Variants in CNTNAP2 observed in about 807,000 individuals in gnomAD.
CNTNAP2 encodes the protein contactin-associated protein-like 2.
Under a neutral mutation model 155.2 loss-of-function variants are expected in CNTNAP2, and 98 were observed. The ratio of observed to expected loss-of-function variants is 0.63; its 90% CI spans 0.54 to 0.75. The LOEUF is 0.75. Ranked by LOEUF, CNTNAP2 falls within the 30% of genes least tolerant of loss-of-function variation. The pLI, the probability that CNTNAP2 is intolerant of heterozygous loss-of-function variation, is 0.00. For synonymous variants in CNTNAP2, 651 were observed against 631.2 expected, an observed-to-expected ratio of 1.03 and a Z score of -0.47; for missense variants, 1,727 against 1,688.1, an observed-to-expected ratio of 1.02 and a Z score of -0.40.
intron 1 of CNTNAP2, among the ~76,000 whole-genome samples, chr7:146,625,487 A>G (rs1211146058): frequency 4.6e-5 from 7 of 152,036 alleles, no homozygotes; most frequent in Admixed American, 1.3e-4. Flanking sequence ...ACACAGGCTT[A>G]TTATTTGAAT....
intron 1 of CNTNAP2, among the ~76,000 whole-genome samples, chr7:146,757,426 A>G (rs1371665741): frequency 2.0e-5 from 3 of 152,192 alleles, no homozygotes; most frequent in Admixed American, 6.5e-5. Flanking sequence ...ATTTCTTTAC[A>G]TAAGCAAGTG....
At chr7:147,734,263 A>G (rs1225501951) in intron 13 of CNTNAP2, among the ~76,000 whole-genome samples, 2 of 152,166 alleles carry the variant, frequency 1.3e-5, no homozygotes, top group Non-Finnish European at 2.9e-5. Context: ...TTCTGCATCT[A>G]TTGAGATAAT....
chr7:147,342,465 T>C (rs1795781723), intron 9 of CNTNAP2, among the ~76,000 whole-genome samples: 1 of 152,210 alleles, frequency 6.6e-6, no homozygotes, highest in Non-Finnish European at 1.5e-5. Flanking sequence ...CAATTTCACA[T>C]ACATTATCTG....
chr7:147,508,398 A>G (rs1428914113), intron 11 of CNTNAP2, among the ~76,000 whole-genome samples: 2 of 152,130 alleles, frequency 1.3e-5, no homozygotes, highest in East Asian at 3.9e-4. Context: ...AGCATCTTCC[A>G]TCTCTGGAAT....
intron 1 of CNTNAP2, among the ~76,000 whole-genome samples, chr7:146,644,469 G>A (rs1171176918): frequency 2.2e-4 from 33 of 152,192 alleles, no homozygotes; most frequent in East Asian, 7.7e-4. Context: ...ATTGATTTGC[G>A]TATGTTGAAC....
intron 15 of CNTNAP2, among the ~76,000 whole-genome samples, chr7:148,079,234 G>T (rs1012577063): frequency 1.3e-5 from 2 of 152,178 alleles, no homozygotes; most frequent in African/African-American, 4.8e-5. Flanking sequence ...ATTTTAGGGG[G>T]ACATAAGACA....
chr7:147,010,090 A>ACTT (rs1798596956), intron 3 of CNTNAP2, among the ~76,000 whole-genome samples: 1 of 150,420 alleles, frequency 6.6e-6, no homozygotes, highest in African/African-American at 2.5e-5. Context: ...GCTCACTGCA[A>ACTT]CTTCCACTTC....
chr7:148,124,789 A>G (rs556602654), intron 16 of CNTNAP2, among the ~76,000 whole-genome samples: 1 of 152,344 alleles, frequency 6.6e-6, no homozygotes, highest in South Asian at 2.1e-4. Context: ...TCGTTAAAAT[A>G]AGTAAATTAC....
At chr7:147,709,105 C>T (rs1418695019) in intron 13 of CNTNAP2, among the ~76,000 whole-genome samples, 1 of 152,096 alleles carries the variant, frequency 6.6e-6, no homozygotes, top group Non-Finnish European at 1.5e-5. Flanking sequence ...CTGTTAGATC[C>T]TTCAGGATCT....
intron 13 of CNTNAP2, among the ~76,000 whole-genome samples, chr7:147,869,674 G>C (rs1462981109): frequency 6.6e-6 from 1 of 152,188 alleles, no homozygotes. Flanking sequence ...GATCCGGAGG[G>C]ATGTATAAGT....
chr7:147,370,914 G>A (rs1009175696), intron 9 of CNTNAP2, among the ~76,000 whole-genome samples: 1 of 151,978 alleles, frequency 6.6e-6, no homozygotes, highest in African/African-American at 2.4e-5. Context: ...ATTACCAATT[G>A]TTACTTTAAT....
At chr7:146,638,490 TTTTTTTTTC>T (rs1476390999) in intron 1 of CNTNAP2, among the ~76,000 whole-genome samples, 3 of 117,774 alleles carry the variant, frequency 2.5e-5, no homozygotes, top group East Asian at 2.8e-4. Context: ...TTTTTTTTTT[TTTTTTTTTC>T]TTTGAGATGG....
intron 15 of CNTNAP2, among the ~76,000 whole-genome samples, chr7:148,103,967 G>T (rs1374638511): frequency 6.6e-6 from 1 of 151,908 alleles, no homozygotes; most frequent in African/African-American, 2.4e-5. Context: ...AGATTTTTTG[G>T]CCTTTATAGT....
chr7:147,618,708 T>TACACACAC (rs112885206), intron 12 of CNTNAP2, among the ~76,000 whole-genome samples: 3 of 132,044 alleles, frequency 2.3e-5, no homozygotes, highest in Admixed American at 9.2e-5. Context: ...ACAGCTATTA[T>TACACACAC]ACACACACAC....
At chr7:146,516,116 A>G (rs1763077659) in intron 1 of CNTNAP2, among the ~76,000 whole-genome samples, 2 of 151,998 alleles carry the variant, frequency 1.3e-5, no homozygotes, top group African/African-American at 4.8e-5. Context: ...TGAGAGAAAA[A>G]GTAATGAGAC....
chr7:147,576,164 G>C (rs1800393047), intron 12 of CNTNAP2, among the ~76,000 whole-genome samples: 1 of 151,760 alleles, frequency 6.6e-6, no homozygotes, highest in East Asian at 1.9e-4. Flanking sequence ...CTGATCAAGG[G>C]CCATGTCTGT....
intron 2 of CNTNAP2, among the ~76,000 whole-genome samples, chr7:146,780,922 G>A (rs1459047975): frequency 6.6e-6 from 1 of 151,966 alleles, no homozygotes; most frequent in Admixed American, 6.6e-5. Context: ...CCTAGTGCAT[G>A]TGGGGCTTAA....
intron 13 of CNTNAP2, among the ~76,000 whole-genome samples, chr7:147,797,769 T>C (rs1321414050): frequency 2.0e-5 from 3 of 152,188 alleles, no homozygotes; most frequent in South Asian, 2.1e-4. Flanking sequence ...GGTGAAGAGA[T>C]ACATATTTGA....
chr7:147,106,160 A>C (rs946690698), intron 4 of CNTNAP2, among the ~76,000 whole-genome samples: 1 of 152,132 alleles, frequency 6.6e-6, no homozygotes, highest in African/African-American at 2.4e-5. Context: ...CAATTAAAAT[A>C]TGCTAAAGGT....
Sources: gnomAD v4.1 joint callset for allele counts (sites outside exome capture counted in the v4.1 genomes callset) on GRCh38, gnomAD v4.1.1 for gene constraint, MANE v1.5 for transcripts, NCBI Gene and HGNC (gene_info 2026-07-23, HGNC 2026-07-21) for gene names.